SLC45A2: variants seen among roughly 807,000 people sequenced by gnomAD.
SLC45A2 encodes the protein membrane-associated transporter protein.
Under a neutral mutation model 45.5 loss-of-function variants are expected in SLC45A2, and 36 were observed. That is an observed-to-expected ratio of 0.79 (90% CI 0.61 to 1.04). The LOEUF is 1.04. Ranked by LOEUF, SLC45A2 falls within the 50% of genes least tolerant of loss-of-function variation. The probability of loss-of-function intolerance (pLI) is 0.00; values close to 1 mark genes in which losing one functional copy is unlikely to be tolerated. For synonymous variants in SLC45A2, 306 were observed against 269.3 expected (o/e 1.14, Z -1.33); for missense variants, 719 against 671.0 (o/e 1.07, Z -0.79).
intron 2 of SLC45A2, chr5:33,971,425 C>G: frequency 2.3e-6 from 1 of 443,344 alleles, no homozygotes; most frequent in Non-Finnish European, 4.3e-6. Context: ...GCCAGCTGGA[C>G]TGCAACTTTT....
In SLC45A2 at chr5:33,984,302, G is replaced by C. The variant is rs767456321; in HGVS notation, c.282C>G (p.His94Gln). The C allele has an allele frequency of 2.4e-5, 39 of 1,614,048 alleles. No homozygotes were observed. In the East Asian group the frequency reaches 8.7e-4, roughly 36 times the overall value. Reference sequence around the variant, plus strand: ...TCCGGCGGCCCCACCTGGACCGGCAGTGGTCGCTGGCCGATCCGACCACGG... The same window carrying C: ...TCCGGCGGCCCCACCTGGACCGGCACTGGTCGCTGGCCGATCCGACCACGG... ...LQPVVGSASDHCRSRWGRRRP... is the reference protein window; with the variant it reads ...LQPVVGSASDQCRSRWGRRRP... The change falls in exon 1 of 7, where the codon CAC becomes CAG. Residue 94 changes from histidine (H) to glutamine (Q), a missense_variant. By Grantham distance (24) the His-to-Gln change is conservative. Transcript: ENST00000296589.
intron 2 of SLC45A2, among the ~76,000 whole-genome samples, chr5:33,967,388 T>C (rs1162267417): frequency 6.6e-6 from 1 of 152,238 alleles, no homozygotes; most frequent in Admixed American, 6.5e-5. Flanking sequence ...ACGCAAATCA[T>C]GTGGGCACCT....
chr5:33,969,285 AT>A lies in SLC45A2; in HGVS notation c.563-5270del, dbSNP rs200479190. Among the ~76,000 whole-genome samples, 77 of 151,728 alleles carry A rather than the reference AT, an allele frequency of 5.1e-4. No individual in the cohort carries two copies. The South Asian group carries it at 8.2e-3, about 16-fold the overall frequency. ...TGTTCCCAATGAAAAGAAAAAAAAA[AT>A]TTTAAATTAAAATAAAAAAAAAATG... On this transcript the variant is annotated intron_variant, in intron 2 of 6. Transcript: ENST00000296589.
Position 33,974,452 on chromosome 5 carries a change from C to CAA in SLC45A2, c.562+7782_562+7783dup, listed in dbSNP as rs3836799. ...CTGGAACAGAACCACAGCAGTGAAA[C>CAA]AAAAAAAAAAAAAGAATTTCAGTTT... On this transcript the variant is annotated intron_variant, in intron 2 of 6. Transcript: ENST00000296589. Among the ~76,000 whole-genome samples the CAA allele has an allele frequency of 4.8e-3, 636 of 132,354 alleles. 5 individuals carry two copies. The highest frequency in any genetic ancestry group is 0.016 in the African/African-American group (605 of 37,596). 86.8% of individuals were successfully genotyped at this position (132,354 alleles called of 152,430 possible). A position where few individuals can be genotyped will look rare whatever the true frequency, so the allele number is the denominator to read the frequency against.
chr5:33,956,207 C>T (rs539552757), intron 3 of SLC45A2, among the ~76,000 whole-genome samples: 90 of 152,174 alleles, frequency 5.9e-4, no homozygotes, highest in Non-Finnish European at 1.1e-3. Context: ...AAACCTTCCA[C>T]TCAATGGGTA....
Position 33,963,751 on chromosome 5 carries a change from A to G in SLC45A2, c.828T>C (p.Asn276=), listed in dbSNP as rs1411301956. Residue 276 remains asparagine (N), a synonymous_variant, in exon 3 of 7, where the codon AAT becomes AAC. Coordinates refer to ENST00000296589, the MANE Select transcript of SLC45A2 (RefSeq NM_016180.5). ...YEYGSIEKVK[N]GYVNPELAMQ... is the part of the protein sequence containing the mutation. ...TTGCCAGCTCTGGATTTACGTAACC[A>G]TTTTTAACTTTCTCGATAGAACCAT... is the stretch of plus-strand genomic sequence containing the variant. The G allele has an allele frequency of 6.2e-7, 1 of 1,614,112 alleles. No individual in the cohort carries two copies. The highest frequency in any genetic ancestry group is 1.7e-5 in the Admixed American group (1 of 60,020).
rs776324493 is a variant in SLC45A2 at position 33,984,437 on chromosome 5, G to A, written c.147C>T (p.Tyr49=). Residue 49 remains tyrosine, a synonymous_variant, in exon 1 of 7, where the codon TAC becomes TAT. Transcript: ENST00000296589. The part of the protein sequence containing the change: ...SMAMFGREFC[Y]AVEAAYVTPV... ...GGGTCACATACGCTGCCTCCACCGC[G>A]TAGCAGAACTCTCTTCCGAACATGG... The A allele has an allele frequency of 1.2e-6, 2 of 1,613,734 alleles. No individual in the cohort carries two copies. The highest frequency in any genetic ancestry group is 1.1e-5 in the South Asian group (1 of 91,048).
At chr5:33,960,718 T>C (rs1752428033) in intron 3 of SLC45A2, among the ~76,000 whole-genome samples, 1 of 152,102 alleles carries the variant, frequency 6.6e-6, no homozygotes, top group African/African-American at 2.4e-5. Context: ...AAGAACTTAC[T>C]CATGTAACCA....
At chr5:33,971,493 C>A in intron 2 of SLC45A2, 1 of 359,484 alleles carries the variant, frequency 2.8e-6, no homozygotes, top group South Asian at 2.2e-5. Flanking sequence ...GGCTGGAGTG[C>A]AGTACTGTGG....
intron 1 of SLC45A2, among the ~76,000 whole-genome samples, chr5:33,982,664 C>T (rs779801984): frequency 6.6e-6 from 1 of 151,878 alleles, no homozygotes; most frequent in South Asian, 2.1e-4. Flanking sequence ...GAAAAGTGGA[C>T]GTGACTATTG....
intron 2 of SLC45A2, among the ~76,000 whole-genome samples, chr5:33,980,814 G>A (rs544020261): frequency 6.6e-6 from 1 of 152,348 alleles, no homozygotes; most frequent in African/African-American, 2.4e-5. Flanking sequence ...TGAGGAGAAA[G>A]AGGAGTGGTC....
intron 3 of SLC45A2, 94 bp from the exon 4 acceptor site, chr5:33,954,598 A>G: frequency 6.5e-7 from 1 of 1,545,302 alleles, no homozygotes; most frequent in Non-Finnish European, 8.8e-7. Flanking sequence ...TGTATTTGTC[A>G]GTCAGCCATC....
intron 2 of SLC45A2, among the ~76,000 whole-genome samples, chr5:33,969,964 T>C (rs988004252): frequency 6.6e-6 from 1 of 152,212 alleles, no homozygotes; most frequent in African/African-American, 2.4e-5. Context: ...ACAGAACTAA[T>C]ATTTCCAGTT....
At chr5:33,955,153 T>C (rs199618926) in intron 3 of SLC45A2, among the ~76,000 whole-genome samples, 1 of 152,150 alleles carries the variant, frequency 6.6e-6, no homozygotes. Flanking sequence ...AATGTCTGCT[T>C]TGAAGGTGGA....
chr5:33,947,773 G>A (rs947821171), intron 5 of SLC45A2, among the ~76,000 whole-genome samples: 3 of 152,160 alleles, frequency 2.0e-5, no homozygotes, highest in African/African-American at 7.2e-5. Context: ...AATAACACAG[G>A]CCTATCTTGG....
chr5:33,972,359 C>T (rs968699939), intron 2 of SLC45A2: 2 of 381,514 alleles, frequency 5.2e-6, no homozygotes, highest in Non-Finnish European at 1.1e-5. Context: ...GAAAAAAATA[C>T]ATATTGATTT....
chr5:33,961,147 A>C (rs552408566), intron 3 of SLC45A2, among the ~76,000 whole-genome samples: 1 of 152,330 alleles, frequency 6.6e-6, no homozygotes, highest in East Asian at 1.9e-4. Flanking sequence ...CCAAGCACAC[A>C]GTGCAACTCA....
At chr5:33,955,345 G>A (rs1752243278) in intron 3 of SLC45A2, among the ~76,000 whole-genome samples, 1 of 152,208 alleles carries the variant, frequency 6.6e-6, no homozygotes, top group Non-Finnish European at 1.5e-5. Context: ...ATACAGCTCT[G>A]CTAACACTTT....
chr5:33,966,590 G>A (rs1389310763), intron 2 of SLC45A2, among the ~76,000 whole-genome samples: 3 of 151,962 alleles, frequency 2.0e-5, no homozygotes, highest in Non-Finnish European at 2.9e-5. Flanking sequence ...ACAGGCGCCC[G>A]CCACCGGAGA....
Sources: allele counts gnomAD v4.1 joint callset (sites outside exome capture counted in the v4.1 genomes callset), GRCh38; gene constraint gnomAD v4.1.1; transcripts MANE v1.5; gene names NCBI Gene and HGNC (gene_info 2026-07-23, HGNC 2026-07-21).